Variants in SDK1 observed in about 807,000 individuals in gnomAD.
SDK1 encodes the protein protein sidekick-1.
Under a neutral mutation model 245.5 loss-of-function variants are expected in SDK1, and 157 were observed. The ratio of observed to expected loss-of-function variants is 0.64; its 90% CI spans 0.56 to 0.73. The LOEUF (loss-of-function observed/expected upper bound fraction) is 0.73. Among genes scored for constraint, SDK1 ranks in the 30% least tolerant of loss-of-function variants. SDK1 has a pLI of 0.00. For missense variants in SDK1, 3,583 were observed against 3,002.3 expected (o/e 1.19, Z -4.52); for synonymous variants, 1,647 against 1,278.5 (o/e 1.29, Z -6.15).
intron 1 of SDK1, among the ~76,000 whole-genome samples, chr7:3,595,239 A>G (rs1287553713): frequency 3.3e-5 from 5 of 151,956 alleles, no homozygotes; most frequent in African/African-American, 2.4e-5. Context: ...GCTTGTAATT[A>G]TATATATATT....
chr7:4,163,712 G>T (rs1488861731), intron 32 of SDK1, among the ~76,000 whole-genome samples: 1 of 152,164 alleles, frequency 6.6e-6, no homozygotes, highest in Non-Finnish European at 1.5e-5. Context: ...CCTGGGCATG[G>T]TCTTGAGGTG....
chr7:3,715,152 T>A (rs1276740411), intron 4 of SDK1, among the ~76,000 whole-genome samples: 1 of 152,188 alleles, frequency 6.6e-6, no homozygotes, highest in Non-Finnish European at 1.5e-5. Flanking sequence ...ATAATTAGCT[T>A]ATTTAGTGAG....
intron 20 of SDK1, among the ~76,000 whole-genome samples, chr7:4,068,639 G>A (rs765374039): frequency 1.4e-4 from 21 of 151,964 alleles, no homozygotes; most frequent in Admixed American, 5.9e-4. Context: ...GAGGCCCCTG[G>A]GCAGTGAGAT....
chr7:3,403,609 T>C (rs947218512), intron 1 of SDK1, among the ~76,000 whole-genome samples: 4 of 150,968 alleles, frequency 2.6e-5, no homozygotes, highest in Non-Finnish European at 5.9e-5. Context: ...GAGTAAAGAG[T>C]AAAGAGAGCA....
intron 1 of SDK1, among the ~76,000 whole-genome samples, chr7:3,399,982 G>C (rs1377453720): frequency 6.6e-6 from 1 of 152,088 alleles, no homozygotes; most frequent in Non-Finnish European, 1.5e-5. Context: ...GGCTTCTCCT[G>C]CTTGGTGAGC....
At chr7:4,162,084 G>C (rs1388990234) in intron 32 of SDK1, among the ~76,000 whole-genome samples, 1 of 152,132 alleles carries the variant, frequency 6.6e-6, no homozygotes, top group Non-Finnish European at 1.5e-5. Flanking sequence ...TGCACGTAGA[G>C]AATGAACTTG....
chr7:3,325,775 C>T (rs1779925935), intron 1 of SDK1, among the ~76,000 whole-genome samples: 1 of 152,110 alleles, frequency 6.6e-6, no homozygotes, highest in African/African-American at 2.4e-5. Flanking sequence ...AGATAATCCT[C>T]AGTTCTGTTG....
At chr7:3,499,500 A>G (rs1782128367) in intron 1 of SDK1, among the ~76,000 whole-genome samples, 1 of 152,202 alleles carries the variant, frequency 6.6e-6, no homozygotes, top group Non-Finnish European at 1.5e-5. Flanking sequence ...TAGAAGCCCC[A>G]TGTGTTCCTC....
At chr7:3,969,721 G>T (rs1278211539) in intron 11 of SDK1, among the ~76,000 whole-genome samples, 2 of 152,108 alleles carry the variant, frequency 1.3e-5, no homozygotes, top group Non-Finnish European at 2.9e-5. Context: ...AAAATTGATA[G>T]GTTGGTTAAT....
At position 4,252,327 on chromosome 7, in the gene SDK1, G is replaced by A. The variant is rs1017117551; in HGVS notation, c.6381+6522G>A. Reference sequence around the variant, plus strand: ...GCGGTGTTTGGTTTTTTGTCCTTGCGATAGTTTGCTGAGAATGATGGTTTC... The same window carrying A: ...GCGGTGTTTGGTTTTTTGTCCTTGCAATAGTTTGCTGAGAATGATGGTTTC... On this transcript the variant is annotated intron_variant, in intron 44 of 44. Transcript: ENST00000404826. Among the ~76,000 whole-genome samples the A allele has an allele frequency of 8.5e-4, 129 of 151,788 alleles. 1 individual carries two copies. The highest frequency in any genetic ancestry group is 2.9e-3 in the African/African-American group (121 of 41,342).
chr7:4,001,873 C>G (rs1218686687), intron 14 of SDK1, among the ~76,000 whole-genome samples: 1 of 152,240 alleles, frequency 6.6e-6, no homozygotes, highest in Non-Finnish European at 1.5e-5. Flanking sequence ...TGGCCTCTGT[C>G]TTCTCTTCCA....
At chr7:4,220,075 A>C (rs915930417) in intron 38 of SDK1, 34 bp from the exon 39 acceptor site, 35 of 1,602,632 alleles carry the variant, frequency 2.2e-5, no homozygotes, top group Non-Finnish European at 2.7e-5. Context: ...TCCAGGCTGA[A>C]CCCCCTTGTT....
At chr7:3,889,656 C>T (rs1022930979) in intron 5 of SDK1, among the ~76,000 whole-genome samples, 3 of 152,096 alleles carry the variant, frequency 2.0e-5, no homozygotes, top group Non-Finnish European at 2.9e-5. Flanking sequence ...TACAGGTGCC[C>T]GCCACCTCGC....
In SDK1 at chr7:4,093,804, C is replaced by T. The variant is rs548178960; in HGVS notation, c.3324+14220C>T. On this transcript the variant is annotated intron_variant, in intron 22 of 44. Coordinates refer to ENST00000404826, the MANE Select transcript of SDK1 (RefSeq NM_152744.4). Reference sequence around the variant, plus strand: ...TCCTGGGCTGATGGATGGGAGGCCACGGGCTGTGTTTCATTTTGCTGTTTG... The same window carrying T: ...TCCTGGGCTGATGGATGGGAGGCCATGGGCTGTGTTTCATTTTGCTGTTTG... Among the ~76,000 whole-genome samples the T allele has an allele frequency of 4.1e-4, 62 of 152,294 alleles. 1 individual carries two copies. Among genetic ancestry groups the T allele is most frequent in the African/African-American group, 1.4e-3 (59 of 41,570 alleles).
At chr7:3,796,218 C>A (rs1333850135) in intron 4 of SDK1, among the ~76,000 whole-genome samples, 2 of 152,182 alleles carry the variant, frequency 1.3e-5, no homozygotes, top group Non-Finnish European at 2.9e-5. Context: ...AAAGGCAAGA[C>A]TAATGTAATG....
In SDK1 at chr7:3,377,463, C is replaced by T. The variant is rs1425022116; in HGVS notation, c.298+75579C>T. On this transcript the variant is annotated intron_variant, in intron 1 of 44. Coordinates refer to ENST00000404826, the MANE Select transcript of SDK1 (RefSeq NM_152744.4). ...GCTTGGCAAGCTTCCCCGTGGGGTG[C>T]TGTTTGGGTGGGGAAAGCTGGGTTC... Among the ~76,000 whole-genome samples, 9 of 152,280 alleles carry T rather than the reference C, an allele frequency of 5.9e-5. No individual in the cohort carries two copies. In the South Asian group the frequency reaches 1.0e-3, roughly 18 times the overall value.
chr7:3,608,888 C>G (rs764952965), intron 1 of SDK1, among the ~76,000 whole-genome samples: 14 of 152,190 alleles, frequency 9.2e-5, no homozygotes, highest in Non-Finnish European at 2.1e-4. Context: ...TTAAAATACT[C>G]CCCTCCTTTC....
chr7:3,927,311 G>C (rs1384869385), intron 5 of SDK1, among the ~76,000 whole-genome samples: 2 of 151,952 alleles, frequency 1.3e-5, no homozygotes, highest in East Asian at 3.8e-4. Context: ...GGAAATGTTG[G>C]GCCCTTTAGT....
At chr7:3,955,957 G>A (rs1781225862) in intron 7 of SDK1, among the ~76,000 whole-genome samples, 2 of 152,176 alleles carry the variant, frequency 1.3e-5, no homozygotes, top group African/African-American at 2.4e-5. Context: ...AGCTGCCATG[G>A]GCTCTGGGCC....
Sources: gnomAD v4.1 joint callset for allele counts (sites outside exome capture counted in the v4.1 genomes callset) on GRCh38, gnomAD v4.1.1 for gene constraint, MANE v1.5 for transcripts, NCBI Gene and HGNC (gene_info 2026-07-23, HGNC 2026-07-21) for gene names.